Variants in ARHGAP26 observed in about 807,000 individuals in gnomAD.
ARHGAP26 encodes the protein Rho GTPase activating protein 26.
In ARHGAP26, 38 loss-of-function variants were observed where a neutral mutation model predicts 104.8. The ratio of observed to expected loss-of-function variants is 0.36; its 90% CI spans 0.28 to 0.48. The LOEUF is 0.48. ARHGAP26 is among the 20% of genes least tolerant of loss of function. ARHGAP26 has a pLI of 0.99. For synonymous variants in ARHGAP26, 341 were observed against 340.0 expected (o/e 1.00, Z -0.03); for missense variants, 704 against 947.9 (o/e 0.74, Z 3.38).
At chr5:142,912,226 A>G (rs1292922299) in intron 9 of ARHGAP26, among the ~76,000 whole-genome samples, 1 of 152,260 alleles carries the variant, frequency 6.6e-6, no homozygotes, top group Non-Finnish European at 1.5e-5. Flanking sequence ...CTACTCAACA[A>G]TAAAGAGAAA....
intron 10 of ARHGAP26, chr5:142,922,149 A>G (rs1763280044): frequency 1.3e-5 from 2 of 152,162 alleles, no homozygotes; most frequent in African/African-American, 2.4e-5. Context: ...TCTCTTTCCA[A>G]TTTATGGCCT....
intron 11 of ARHGAP26, among the ~76,000 whole-genome samples, chr5:142,973,744 TC>T (rs1226306377): frequency 2.6e-5 from 4 of 152,256 alleles, no homozygotes; most frequent in Non-Finnish European, 5.9e-5. Context: ...TTCTTTTCTC[TC>T]CCTCCTCCCA....
At chr5:142,993,231 G>A (rs1218562445) in intron 11 of ARHGAP26, among the ~76,000 whole-genome samples, 3 of 147,316 alleles carry the variant, frequency 2.0e-5, no homozygotes, top group Non-Finnish European at 3.0e-5. Context: ...CTGCAGTGGC[G>A]CAATCTCGGC....
chr5:142,960,722 G>A (rs953027461), intron 11 of ARHGAP26, among the ~76,000 whole-genome samples: 16 of 152,232 alleles, frequency 1.1e-4, no homozygotes, highest in Admixed American at 9.2e-4. Flanking sequence ...GTTCACTTTA[G>A]TGGAACCCCA....
intron 12 of ARHGAP26, among the ~76,000 whole-genome samples, chr5:143,036,861 A>G (rs1782720501): frequency 6.6e-6 from 1 of 152,244 alleles, no homozygotes. Context: ...TTCTGTTAAT[A>G]GCAGAGCAAT....
chr5:143,165,784 T>C (rs1251629080), intron 20 of ARHGAP26, among the ~76,000 whole-genome samples: 2 of 152,236 alleles, frequency 1.3e-5, no homozygotes, highest in Non-Finnish European at 2.9e-5. Context: ...GTGTATTATT[T>C]ATTCCCTGCT....
rs143615415 is a variant in ARHGAP26 at position 143,061,327 on chromosome 5, A to C, written c.1538+3580A>C. ...AAGACTAATTTCATGGTAATTTCCT[A>C]ATGTTTACATATTATGACTCCAAGT... On this transcript the variant is annotated intron_variant, in intron 17 of 22. Transcript: ENST00000645722. Among the ~76,000 whole-genome samples, 1,048 of 152,336 alleles carry C rather than the reference A, an allele frequency of 6.9e-3. 29 individuals are homozygous for C. The highest frequency in any genetic ancestry group is 0.048 in the East Asian group (248 of 5,184).
chr5:143,067,231 G>C (rs1230429413), intron 17 of ARHGAP26, among the ~76,000 whole-genome samples: 1 of 152,034 alleles, frequency 6.6e-6, no homozygotes, highest in Admixed American at 6.5e-5. Flanking sequence ...CCTTTGTGGG[G>C]GAGTCTGACT....
Position 143,208,153 on chromosome 5 carries a change from C to T in ARHGAP26, c.2099+845C>T, listed in dbSNP as rs117041546. Among the ~76,000 whole-genome samples, 7 of 151,996 alleles carry T rather than the reference C, an allele frequency of 4.6e-5. No individual in the cohort carries two copies. The East Asian group carries it at 5.8e-4, about 13-fold the overall frequency. ...TAGTTTTCCCTGCTTTTGTGACTTCCGCACTTAAGTTTTTTGCTCTTGTGC... is the reference window on the plus strand; with the variant it reads ...TAGTTTTCCCTGCTTTTGTGACTTCTGCACTTAAGTTTTTTGCTCTTGTGC... On this transcript the variant is annotated intron_variant, in intron 21 of 22. Coordinates refer to ENST00000645722, the MANE Select transcript of ARHGAP26 (RefSeq NM_001135608.3).
At chr5:142,966,526 A>G (rs1231128854) in intron 11 of ARHGAP26, among the ~76,000 whole-genome samples, 1 of 152,214 alleles carries the variant, frequency 6.6e-6, no homozygotes, top group Non-Finnish European at 1.5e-5. Context: ...AGTATGAATA[A>G]TAAAGTGTTG....
intron 12 of ARHGAP26, among the ~76,000 whole-genome samples, chr5:143,027,700 C>T (rs1781265818): frequency 6.6e-6 from 1 of 152,136 alleles, no homozygotes; most frequent in Non-Finnish European, 1.5e-5. Flanking sequence ...GTGGAACAAT[C>T]CAGCATTCCA....
At chr5:142,969,327 G>A (rs1192824660) in intron 11 of ARHGAP26, 1 of 152,198 alleles carries the variant, frequency 6.6e-6, no homozygotes, top group Non-Finnish European at 1.5e-5. Flanking sequence ...CAGGAAGGCT[G>A]GCCATTTTGT....
At chr5:142,932,902 C>T (rs1764918051) in intron 11 of ARHGAP26, among the ~76,000 whole-genome samples, 1 of 152,216 alleles carries the variant, frequency 6.6e-6, no homozygotes, top group South Asian at 2.1e-4. Context: ...ATGTACCTTT[C>T]TACTCAGCCA....
chr5:142,898,086 G>T (rs186612120), intron 6 of ARHGAP26, among the ~76,000 whole-genome samples: 1 of 152,060 alleles, frequency 6.6e-6, no homozygotes, highest in East Asian at 1.9e-4. Context: ...AACAGTTGTA[G>T]TATTCCCAAG....
At chr5:143,039,352 C>T (rs12518131) in intron 13 of ARHGAP26, among the ~76,000 whole-genome samples, 73,189 of 148,344 alleles carry the variant, frequency 0.49, 22,525 homozygotes, top group Non-Finnish European at 0.7. Flanking sequence ...GCATTACAGG[C>T]GCCTGCCACC....
chr5:143,020,632 C>CTTT (rs11357774), intron 12 of ARHGAP26, among the ~76,000 whole-genome samples: 20 of 61,688 alleles, frequency 3.2e-4, no homozygotes, highest in East Asian at 1.5e-3. Flanking sequence ...TGCTCTAGTG[C>CTTT]TTTTTTTTTT....
chr5:143,083,232 A>G (rs1239627683), intron 17 of ARHGAP26, among the ~76,000 whole-genome samples: 1 of 152,208 alleles, frequency 6.6e-6, no homozygotes, highest in African/African-American at 2.4e-5. Context: ...AAACTGGTTT[A>G]CCATGCAGAT....
chr5:142,831,176 T>A (rs964477810), intron 1 of ARHGAP26, among the ~76,000 whole-genome samples: 3 of 152,166 alleles, frequency 2.0e-5, no homozygotes, highest in Admixed American at 2.0e-4. Context: ...TTGAGTTGGT[T>A]CTCTCAGGGA....
intron 17 of ARHGAP26, chr5:143,103,334 A>G: frequency 1.5e-6 from 1 of 655,392 alleles, no homozygotes; most frequent in Non-Finnish European, 1.9e-6. Flanking sequence ...GAACGATTTT[A>G]CACTGTTGGT....
Sources: allele counts gnomAD v4.1 joint callset (sites outside exome capture counted in the v4.1 genomes callset), GRCh38; gene constraint gnomAD v4.1.1; transcripts MANE v1.5; gene names NCBI Gene and HGNC (gene_info 2026-07-23, HGNC 2026-07-21).